Variants in LOXHD1 observed in about 807,000 individuals in gnomAD.
LOXHD1 encodes lipoxygenase homology domain-containing protein 1.
Under a neutral mutation model 248.2 loss-of-function variants are expected in LOXHD1, and 205 were observed. The observed-to-expected ratio is 0.83, with a 90% CI of 0.74 to 0.93. The LOEUF is 0.93. Ranked by LOEUF, LOXHD1 falls within the 40% of genes least tolerant of loss-of-function variation. The pLI, the probability that LOXHD1 is intolerant of heterozygous loss-of-function variation, is 0.00. For synonymous variants in LOXHD1, 1,113 were observed against 1,162.8 expected, an observed-to-expected ratio of 0.96 and a Z score of 0.87; for missense variants, 2,930 against 2,971.6, an observed-to-expected ratio of 0.99 and a Z score of 0.33.
At position 46,547,129 on chromosome 18, in the gene LOXHD1, G is replaced by A. The variant is rs1038940199; in HGVS notation, c.3351-71C>T. ...TCTCGTCCAGGAGCAGTCATGGGCTGAGAATGAGAGGCCCTCTATGGGGTC... is the reference window on the plus strand; with the variant it reads ...TCTCGTCCAGGAGCAGTCATGGGCTAAGAATGAGAGGCCCTCTATGGGGTC... On this transcript the variant is annotated intron_variant, in intron 21 of 40. Coordinates refer to ENST00000642948, the MANE Select transcript of LOXHD1 (RefSeq NM_001384474.1). The A allele has an allele frequency of 1.8e-5, 27 of 1,512,764 alleles. No individual in the cohort carries two copies. The East Asian group carries it at 6.6e-4, about 37-fold the overall frequency. 93.7% of individuals were successfully genotyped at this position (1,512,764 alleles called of 1,614,324 possible). A position where few individuals can be genotyped will look rare whatever the true frequency, so the allele number is the denominator to read the frequency against.
intron 5 of LOXHD1, among the ~76,000 whole-genome samples, chr18:46,615,148 A>T (rs2038567438): frequency 6.6e-6 from 1 of 152,214 alleles, no homozygotes; most frequent in Non-Finnish European, 1.5e-5. Flanking sequence ...ATGTTCCCTC[A>T]AGCATAAATG....
intron 1 of LOXHD1, among the ~76,000 whole-genome samples, chr18:46,653,729 C>T (rs1202992270): frequency 2.6e-5 from 4 of 152,288 alleles, no homozygotes; most frequent in Non-Finnish European, 5.9e-5. Flanking sequence ...GATTTGAAGC[C>T]CAGTTCTACC....
In LOXHD1 at chr18:46,558,578, C is replaced by A. The variant is rs552162113; in HGVS notation, c.3216+870G>T. ...TCTTTAAAGAAAAAGCAGGGGGCCC[C>A]TGAAATAAATCAAGAAATGAGCCCA... is the stretch of plus-strand genomic sequence containing the variant. On this transcript the variant is annotated intron_variant, in intron 20 of 40. Transcript: ENST00000642948. Among the ~76,000 whole-genome samples, 11 of 152,238 alleles carry A rather than the reference C, an allele frequency of 7.2e-5. No individual in the cohort carries two copies. In the East Asian group the frequency reaches 2.1e-3, roughly 29 times the overall value.
In LOXHD1 at chr18:46,618,308, GA is replaced by G; in HGVS notation, c.512-19del. 6.6e-7 allele frequency: 1 copy of G among 1,520,934 alleles called. No homozygotes were observed. Among genetic ancestry groups the G allele is most frequent in the Admixed American group, 2.0e-5 (1 of 50,950 alleles). The allele number at this position is 1,520,934 out of a possible 1,614,324, so 94.2% of individuals were successfully genotyped here. ...CTTATTACCTAGGAACAAGGAGAGA[GA>G]AAAACCTTAGCTCATCAGGATCCTG... On this transcript the variant is annotated intron_variant, in intron 4 of 40. Coordinates refer to ENST00000642948, the MANE Select transcript of LOXHD1 (RefSeq NM_001384474.1).
intron 31 of LOXHD1, among the ~76,000 whole-genome samples, chr18:46,523,407 T>C (rs566250877): frequency 6.6e-6 from 1 of 152,318 alleles, no homozygotes; most frequent in African/African-American, 2.4e-5. Flanking sequence ...GTTGCCAGAA[T>C]GACCAGGTTA....
chr18:46,569,736 T>G, intron 15 of LOXHD1, 98 bp from the exon 16 acceptor site: 1 of 959,158 alleles, frequency 1.0e-6, no homozygotes, highest in Non-Finnish European at 1.5e-6. Flanking sequence ...GAGCTGGAGG[T>G]TTGTGGGGAA....
At chr18:46,587,034 G>A (rs1440184261) in intron 12 of LOXHD1, among the ~76,000 whole-genome samples, 1 of 152,232 alleles carries the variant, frequency 6.6e-6, no homozygotes, top group Non-Finnish European at 1.5e-5. Flanking sequence ...AGCAAAGCTG[G>A]TATAGGTAGG....
At chr18:46,484,327 T>C (rs2032853871) in intron 39 of LOXHD1, among the ~76,000 whole-genome samples, 1 of 152,090 alleles carries the variant, frequency 6.6e-6, no homozygotes, top group South Asian at 2.1e-4. Context: ...TATTCTCCAG[T>C]GTGATGGTAT....
Position 46,601,450 on chromosome 18 carries a change from T to C in LOXHD1, c.901A>G (p.Thr301Ala), listed in dbSNP as rs1282083112. The change falls in exon 8 of 41, where the codon ACC becomes GCC. Residue 301 changes from threonine to alanine, a missense_variant. Physicochemically the swap from Thr to Ala is moderately conservative, Grantham distance 58. Coordinates refer to ENST00000642948, the MANE Select transcript of LOXHD1 (RefSeq NM_001384474.1). ...CCCCGGACATCCCCAGTGAAGACGGTGACAATATACGTAATAGCTGGTGTG... is the reference window on the plus strand; with the variant it reads ...CCCCGGACATCCCCAGTGAAGACGGCGACAATATACGTAATAGCTGGTGTG... ...AETTAITYIV[T>A]VFTGDVRGAG... The C allele has an allele frequency of 3.2e-6, 5 of 1,551,590 alleles. 1 individual carries two copies. In the African/African-American group the frequency reaches 6.8e-5, roughly 21 times the overall value.
Position 46,524,683 on chromosome 18 carries a change from A to G in LOXHD1, c.4740+25T>C, listed in dbSNP as rs1304316005. On this transcript the variant is annotated intron_variant, in intron 30 of 40. Transcript: ENST00000642948. ...CTCCCCTAGGCATGAGGATGGCCAC[A>G]GGCCCTATATACCCCTTGGCTCACC... 3.2e-6 allele frequency: 5 copies of G among 1,551,486 alleles called. No individual in the cohort carries two copies. In the Admixed American group the frequency reaches 9.8e-5, roughly 30 times the overall value.
intron 28 of LOXHD1, among the ~76,000 whole-genome samples, chr18:46,531,766 G>C (rs1241630478): frequency 6.6e-6 from 1 of 152,122 alleles, no homozygotes; most frequent in East Asian, 1.9e-4. Context: ...AGTGAGTTTT[G>C]TGGTGTGTTA....
intron 4 of LOXHD1, among the ~76,000 whole-genome samples, chr18:46,631,309 A>T (rs1599062833): frequency 6.6e-6 from 1 of 150,860 alleles, no homozygotes. Flanking sequence ...GACAGCTACA[A>T]CCCCCCCACC....
In LOXHD1 at chr18:46,656,972, G is replaced by C; in HGVS notation, c.62C>G (p.Ala21Gly). Residue 21 changes from alanine (A) to glycine (G), a missense_variant, in exon 1 of 41, where the codon GCG becomes GGG. Transcript: ENST00000642948. ...KDIDFLALYE[A>G]ELLNYASEDD... ...CTCCGAGGCGTAGTTCAGCAGCTCC[G>C]CTTCGTACAGGGCCAGGAAGTCGAT... The C allele has an allele frequency of 1.9e-6, 3 of 1,551,618 alleles. No homozygotes were observed. The highest frequency in any genetic ancestry group is 2.6e-6 in the Non-Finnish European group (3 of 1,146,934).
intron 15 of LOXHD1, among the ~76,000 whole-genome samples, chr18:46,570,934 G>T (rs1303316580): frequency 7.2e-5 from 11 of 152,114 alleles, no homozygotes; most frequent in Non-Finnish European, 1.0e-4. Context: ...TGAAATAGGG[G>T]CTTGCTGGAC....
chr18:46,613,178 A>C (rs570379877), intron 5 of LOXHD1, among the ~76,000 whole-genome samples: 2 of 152,276 alleles, frequency 1.3e-5, no homozygotes, highest in South Asian at 4.1e-4. Flanking sequence ...TTTATAAAAC[A>C]ACCTGGGAAA....
chr18:46,657,054 A>G lies in LOXHD1; in HGVS notation c.-21T>C. ...ATCATTCTGTCGGCTGCCTTCTCCCAGCGCTCGCAGGCTCACTGTGCCGCC... is the reference window on the plus strand; with the variant it reads ...ATCATTCTGTCGGCTGCCTTCTCCCGGCGCTCGCAGGCTCACTGTGCCGCC... On this transcript the variant is annotated 5_prime_UTR_variant, in exon 1 of 41. Coordinates refer to ENST00000642948, the MANE Select transcript of LOXHD1 (RefSeq NM_001384474.1). The G allele has an allele frequency of 5.8e-6, 9 of 1,551,456 alleles. No homozygotes were observed. Among genetic ancestry groups the G allele is most frequent in the South Asian group, 1.2e-5 (1 of 84,054 alleles).
chr18:46,642,028 G>C lies in LOXHD1; in HGVS notation c.254C>G (p.Ser85Cys). 1 of 1,552,254 alleles carries C rather than the reference G, an allele frequency of 6.4e-7. No homozygotes were observed. The highest frequency in any genetic ancestry group is 1.2e-5 in the South Asian group (1 of 84,058). The change falls in exon 3 of 41, where the codon TCT becomes TGT. Residue 85 changes from serine to cysteine, a missense_variant. Transcript: ENST00000642948. ...PKLQLTSKSK[S>C]AFEKGNVDVF... ...ATCGACGTTGCCCTTCTCAAAGGCA[G>C]ACTTGCTCCTGCAATGAACACGTGC...
chr18:46,576,855 G>A (rs2037866987), intron 14 of LOXHD1, among the ~76,000 whole-genome samples: 1 of 152,192 alleles, frequency 6.6e-6, no homozygotes, highest in Non-Finnish European at 1.5e-5. Flanking sequence ...GCACAGGCAT[G>A]CATGTGAGTA....
chr18:46,519,696 G>A (rs1326393814), intron 33 of LOXHD1, among the ~76,000 whole-genome samples: 1 of 152,172 alleles, frequency 6.6e-6, no homozygotes, highest in Non-Finnish European at 1.5e-5. Flanking sequence ...GCTGCCCCAT[G>A]GAGACTGGCC....
Sources: allele counts gnomAD v4.1 joint callset (sites outside exome capture counted in the v4.1 genomes callset), GRCh38; gene constraint gnomAD v4.1.1; transcripts MANE v1.5; gene names NCBI Gene and HGNC (gene_info 2026-07-23, HGNC 2026-07-21).